The following PAPPA variants were observed in gnomAD, a reference collection of about 807,000 sequenced individuals.
PAPPA encodes the protein pappalysin 1, also known as pappalysin-1.
In PAPPA, 60 loss-of-function variants were observed where a neutral mutation model predicts 164.0. That is an observed-to-expected ratio of 0.37 (90% CI 0.30 to 0.45). PAPPA has a LOEUF of 0.45. PAPPA is among the 20% of genes least tolerant of loss of function. PAPPA has a pLI of 1.00. For synonymous variants in PAPPA, 875 were observed against 814.1 expected (o/e 1.07, Z -1.27); for missense variants, 1,782 against 2,087.3 (o/e 0.85, Z 2.85).
At chr9:116,394,849 C>CAAAG (rs1281741804) in intron 21 of PAPPA, among the ~76,000 whole-genome samples, 4 of 152,032 alleles carry the variant, frequency 2.6e-5, no homozygotes, top group African/African-American at 9.7e-5. Context: ...GCCATAAGTA[C>CAAAG]AAAGAGTCAG....
intron 5 of PAPPA, among the ~76,000 whole-genome samples, chr9:116,223,598 T>A (rs984763160): frequency 4.6e-5 from 7 of 152,236 alleles, no homozygotes; most frequent in African/African-American, 1.7e-4. Context: ...AACTGACATT[T>A]CCAAAACATA....
chr9:116,165,476 T>G (rs1843710559), intron 1 of PAPPA, among the ~76,000 whole-genome samples: 1 of 152,200 alleles, frequency 6.6e-6, no homozygotes, highest in Non-Finnish European at 1.5e-5. Flanking sequence ...TTATAATGTT[T>G]ATAGACAAAC....
At chr9:116,367,594 G>T (rs768746002) in intron 18 of PAPPA, 51 bp from the exon 19 acceptor site, 10 of 1,369,160 alleles carry the variant, frequency 7.3e-6, no homozygotes, top group Admixed American at 3.6e-5. Flanking sequence ...GCAGTTTGCA[G>T]ATGTTGAGGG....
At chr9:116,202,021 C>A (rs1464096727) in intron 2 of PAPPA, among the ~76,000 whole-genome samples, 1 of 152,134 alleles carries the variant, frequency 6.6e-6, no homozygotes, top group Non-Finnish European at 1.5e-5. Context: ...GCTATCACTT[C>A]TGCATAGGGG....
intron 10 of PAPPA, among the ~76,000 whole-genome samples, chr9:116,305,111 A>C (rs1845627861): frequency 6.7e-6 from 1 of 148,640 alleles, no homozygotes; most frequent in Non-Finnish European, 1.5e-5. Flanking sequence ...AGGCACACGC[A>C]TACACAAGTA....
rs772007831 is a variant in PAPPA, at chr9:116,271,212, G to C, written c.2862-113G>C. On this transcript the variant is annotated intron_variant, in intron 8 of 21. Coordinates refer to ENST00000328252, the MANE Select transcript of PAPPA (RefSeq NM_002581.5). This position sits in a 1 kb window ranked among gnomAD's most constrained non-coding sequence, Gnocchi z 4.2. Reference sequence around the variant, plus strand: ...AGAAGCAGAGACTCAGACAGAGAAAGGGATTTGTGCAAGGTCTCACTGAAG... The same window carrying C: ...AGAAGCAGAGACTCAGACAGAGAAACGGATTTGTGCAAGGTCTCACTGAAG... 1.4e-6 allele frequency: 1 copy of C among 692,012 alleles called. No homozygotes were observed. The highest frequency in any genetic ancestry group is 2.6e-6 in the Non-Finnish European group (1 of 383,588). 42.9% of individuals were successfully genotyped at this position (692,012 alleles called of 1,614,324 possible).
At chr9:116,379,563 CCAT>C (rs1846700193) in intron 20 of PAPPA, among the ~76,000 whole-genome samples, 2 of 152,030 alleles carry the variant, frequency 1.3e-5, no homozygotes, top group Non-Finnish European at 2.9e-5. Context: ...ATCCATCCAT[CCAT>C]CCATCCATCC....
At position 116,347,153 on chromosome 9, in the gene PAPPA, G is replaced by C. The variant is rs748147059; in HGVS notation, c.3908G>C (p.Gly1303Ala). 2.5e-6 allele frequency: 4 copies of C among 1,613,928 alleles called. No individual in the cohort carries two copies. In the African/African-American group the frequency reaches 4.0e-5, roughly 16 times the overall value. Residue 1303 changes from glycine to alanine, a missense_variant, in exon 15 of 22, where the codon GGC becomes GCC. By Grantham distance (60) the Gly-to-Ala change is moderately conservative. Around this residue, in one of 2 missense-constraint regions of PAPPA, gnomAD observed 1,324 missense variants for 1,656.9 expected, o/e 0.80. Coordinates refer to ENST00000328252, the MANE Select transcript of PAPPA (RefSeq NM_002581.5). This position sits in a 1 kb window ranked among gnomAD's most constrained non-coding sequence, Gnocchi z 4.5. ...VYAASFSCPEGTTFGSQCSFQ... is the reference protein window; with the variant it reads ...VYAASFSCPEATTFGSQCSFQ... ...GCTGCCTCCTTCTCCTGCCCTGAGGGCACCACCTTTGGCAGTCAATGTTCC... is the reference window on the plus strand; with the variant it reads ...GCTGCCTCCTTCTCCTGCCCTGAGGCCACCACCTTTGGCAGTCAATGTTCC...
At chr9:116,183,940 G>A (rs948861923) in intron 1 of PAPPA, among the ~76,000 whole-genome samples, 4 of 152,178 alleles carry the variant, frequency 2.6e-5, no homozygotes, top group East Asian at 1.9e-4. Context: ...ATTTTACCTT[G>A]CTAACCAGGC....
intron 5 of PAPPA, among the ~76,000 whole-genome samples, chr9:116,225,349 ACTCC>A (rs1844493385): frequency 6.6e-6 from 1 of 152,162 alleles, no homozygotes; most frequent in African/African-American, 2.4e-5. Flanking sequence ...TATTATTGCT[ACTCC>A]AAGAGTAACT....
intron 1 of PAPPA, among the ~76,000 whole-genome samples, chr9:116,169,444 C>T (rs530940895): frequency 1.5e-4 from 22 of 150,566 alleles, no homozygotes; most frequent in East Asian, 1.4e-3. Flanking sequence ...CTCAGCCTCC[C>T]GAGTAGCTGG....
At chr9:116,252,143 A>G (rs577690241) in intron 7 of PAPPA, among the ~76,000 whole-genome samples, 18 of 152,252 alleles carry the variant, frequency 1.2e-4, no homozygotes, top group Admixed American at 2.0e-4. Flanking sequence ...TTGGACAATT[A>G]TATCAAAGAT....
At chr9:116,328,384 A>C (rs892409940) in intron 10 of PAPPA, among the ~76,000 whole-genome samples, 1 of 152,216 alleles carries the variant, frequency 6.6e-6, no homozygotes, top group African/African-American at 2.4e-5. Context: ...CTTCCAGCCC[A>C]TTTAAGTGGC....
At chr9:116,259,171 A>G (rs1254632202) in intron 7 of PAPPA, among the ~76,000 whole-genome samples, 1 of 151,536 alleles carries the variant, frequency 6.6e-6, no homozygotes, top group Non-Finnish European at 1.5e-5. Context: ...TAATAATAAA[A>G]ACCTATATTG....
rs542425509 is a variant in PAPPA at position 116,388,046 on chromosome 9, A to T, written c.4776+5553A>T. On this transcript the variant is annotated intron_variant, in intron 21 of 21. Transcript: ENST00000328252. ...CTCCGTGATGCCTTGGCCCAGCATG[A>T]TGACTGTCTGCTCCCTTCATTCTCC... is the stretch of plus-strand genomic sequence containing the variant. Among the ~76,000 whole-genome samples, 258 of 148,222 alleles carry T rather than the reference A, an allele frequency of 1.7e-3. 1 individual carries two copies. Among genetic ancestry groups the T allele is most frequent in the African/African-American group, 6.0e-3 (242 of 40,332 alleles).
At chr9:116,258,546 C>T (rs1325101336) in intron 7 of PAPPA, among the ~76,000 whole-genome samples, 2 of 151,920 alleles carry the variant, frequency 1.3e-5, no homozygotes, top group East Asian at 2.0e-4. Flanking sequence ...ATCCCAGCTA[C>T]TGGGAAGGCT....
At position 116,227,572 on chromosome 9, in the gene PAPPA, G is replaced by T. The variant is rs750344497; in HGVS notation, c.2233+20G>T. 33 of 1,613,154 alleles carry T rather than the reference G, an allele frequency of 2.0e-5. No individual in the cohort carries two copies. In the Admixed American group the frequency reaches 5.3e-4, roughly 26 times the overall value. ...CAGAAGGTAAGCCAGCCTTCTGGAA[G>T]CTCATTGACAGGAGGAGTGTGCAAA... On this transcript the variant is annotated intron_variant, in intron 6 of 21. Transcript: ENST00000328252.
At chr9:116,394,789 A>G (rs1846940575) in intron 21 of PAPPA, among the ~76,000 whole-genome samples, 1 of 152,250 alleles carries the variant, frequency 6.6e-6, no homozygotes, top group African/African-American at 2.4e-5. Context: ...TTACCACAGC[A>G]TCAAGCACTT....
chr9:116,336,903 G>T (rs536305061), intron 13 of PAPPA, among the ~76,000 whole-genome samples: 36 of 152,292 alleles, frequency 2.4e-4, no homozygotes, highest in African/African-American at 7.9e-4. Flanking sequence ...AGGACAGGAA[G>T]GGACAAACCC....
Sources: gnomAD v4.1 joint callset for allele counts (sites outside exome capture counted in the v4.1 genomes callset) on GRCh38, gnomAD v4.1.1 for gene constraint, gnomAD v4.1.1 regional missense constraint, Gnocchi (gnomAD v3.1) non-coding constraint, MANE v1.5 for transcripts, NCBI Gene and HGNC (gene_info 2026-07-23, HGNC 2026-07-21) for gene names.